The following MCM9 variants were observed in gnomAD, a reference collection of about 807,000 sequenced individuals.
The protein encoded by MCM9 is DNA helicase MCM9.
Under a neutral mutation model 72.8 loss-of-function variants are expected in MCM9, and 55 were observed. The observed-to-expected ratio is 0.76, with a 90% confidence interval of 0.61 to 0.95. MCM9 has a LOEUF of 0.95. Among genes scored for constraint, MCM9 ranks in the 40% least tolerant of loss-of-function variants. The probability of loss-of-function intolerance (pLI) is 0.00; values close to 1 mark genes in which losing one functional copy is unlikely to be tolerated. For missense variants in MCM9, 1,279 were observed against 1,377.0 expected (o/e 0.93, Z 1.13); for synonymous variants, 480 against 503.4 (o/e 0.95, Z 0.62).
intron 8 of MCM9, among the ~76,000 whole-genome samples, chr6:118,889,136 G>A (rs1224404091): frequency 6.6e-6 from 1 of 152,162 alleles, no homozygotes; most frequent in Non-Finnish European, 1.5e-5. Flanking sequence ...ATACCAGGGG[G>A]TACTTAGAGG....
At chr6:118,826,386 C>T (rs577516412) in intron 12 of MCM9, 94 bp from the exon 13 acceptor site, 105 of 1,321,184 alleles carry the variant, frequency 7.9e-5, no homozygotes, top group African/African-American at 1.2e-4. Flanking sequence ...GGGCTAAGAC[C>T]GCCGTTTACA....
Position 118,816,176 on chromosome 6 carries a change from C to A in MCM9, c.2080G>T (p.Glu694Ter), listed in dbSNP as rs1370367268. ...AAGATATGTGTGCTATAGTTGATTT[C>A]CTGCTGTGATGAAGTTCTGAAGTTT... is the stretch of plus-strand genomic sequence containing the variant. ...ESNFRTSSQQ[E>*]INYSTHIFSP... is the part of the protein sequence containing the mutation. The change falls in exon 14 of 14, where the codon GAA (glutamate) becomes TAA (stop). Residue 694 changes from glutamate (E) to a stop codon, truncating the protein, a stop_gained. Coordinates refer to ENST00000619706, the MANE Select transcript of MCM9 (RefSeq NM_017696.3). LOFTEE classifies it low-confidence loss of function (END_TRUNC). 1.9e-6 allele frequency: 3 copies of A among 1,550,380 alleles called. No homozygotes were observed. In the African/African-American group the frequency reaches 4.1e-5, roughly 21 times the overall value.
chr6:118,932,101 A>G (rs972877717), intron 2 of MCM9, among the ~76,000 whole-genome samples: 2 of 152,214 alleles, frequency 1.3e-5, no homozygotes, highest in Non-Finnish European at 2.9e-5. Context: ...GTCTCATAAG[A>G]TTACAATACT....
At position 118,828,902 on chromosome 6, in the gene MCM9, C is replaced by T. The variant is rs1774347665; in HGVS notation, c.1528+146G>A. 13 of 815,302 alleles carry T rather than the reference C, an allele frequency of 1.6e-5. No individual in the cohort carries two copies. In the South Asian group the frequency reaches 2.1e-4, roughly 13 times the overall value. 50.5% of individuals were successfully genotyped at this position (815,302 alleles called of 1,614,324 possible). ...TTCTGAGGCCCCGTAAGTGGCTCCTCTCACTGCTTTCTGTCTAAGCTTTTC... is the reference window on the plus strand; with the variant it reads ...TTCTGAGGCCCCGTAAGTGGCTCCTTTCACTGCTTTCTGTCTAAGCTTTTC... On this transcript the variant is annotated intron_variant, in intron 10 of 13. Transcript: ENST00000619706.
intron 8 of MCM9, among the ~76,000 whole-genome samples, chr6:118,861,059 G>A (rs895377534): frequency 5.9e-5 from 9 of 152,162 alleles, no homozygotes; most frequent in East Asian, 1.9e-4. Context: ...GGCATGGGAC[G>A]GCCACAGGTG....
chr6:118,865,560 C>T (rs1777166950), intron 8 of MCM9, among the ~76,000 whole-genome samples: 1 of 152,178 alleles, frequency 6.6e-6, no homozygotes, highest in Admixed American at 6.5e-5. Flanking sequence ...GGGCTTATAA[C>T]ATACTTCAAG....
chr6:118,880,936 T>C (rs1013627098), intron 8 of MCM9, among the ~76,000 whole-genome samples: 2 of 152,222 alleles, frequency 1.3e-5, no homozygotes, highest in African/African-American at 4.8e-5. Flanking sequence ...TACTGAACCC[T>C]ATACACACTA....
rs200201062 is a variant in MCM9 at position 118,923,922 on chromosome 6, G to C, written c.510C>G (p.Ser170=). ...CACAGCTCTCCAAGCTGGGACACGA[G>C]GATGGCCGGCAAAAGGTGTAATACT... is the stretch of plus-strand genomic sequence containing the variant. ...FEQYYTFCRP[S]SCPSLESCDS... Residue 170 remains serine (S), a synonymous_variant, in exon 4 of 14, where the codon TCC becomes TCG. Transcript: ENST00000619706. The C allele has an allele frequency of 3.1e-6, 5 of 1,614,098 alleles. No individual in the cohort carries two copies. Among genetic ancestry groups the C allele is most frequent in the Admixed American group, 3.3e-5 (2 of 60,010 alleles).
chr6:118,851,422 C>A (rs1300293773), intron 9 of MCM9, among the ~76,000 whole-genome samples: 1 of 151,686 alleles, frequency 6.6e-6, no homozygotes, highest in Non-Finnish European at 1.5e-5. Flanking sequence ...ATAGAGTTAT[C>A]ATAATTACAT....
At chr6:118,894,123 G>C (rs1348528349) in intron 8 of MCM9, 1 of 1,188,062 alleles carries the variant, frequency 8.4e-7, no homozygotes, top group Non-Finnish European at 1.0e-6. Flanking sequence ...CTTGCTGGCT[G>C]CCGAGGCCCT....
At chr6:118,853,617 T>C (rs903858783) in intron 9 of MCM9, among the ~76,000 whole-genome samples, 69 of 152,002 alleles carry the variant, frequency 4.5e-4, no homozygotes, top group African/African-American at 1.4e-3. Context: ...CTGGGCAACA[T>C]AGCAAGACCC....
chr6:118,919,808 C>T (rs909582158), intron 5 of MCM9: 4 of 152,206 alleles, frequency 2.6e-5, no homozygotes, highest in Admixed American at 6.5e-5. Context: ...GCCAGTCAGA[C>T]CCATCTCTCG....
intron 8 of MCM9, among the ~76,000 whole-genome samples, chr6:118,887,765 C>G (rs1283214567): frequency 6.6e-6 from 1 of 151,968 alleles, no homozygotes; most frequent in Admixed American, 6.6e-5. Flanking sequence ...ATAAGGAACT[C>G]TTACAACTCA....
intron 13 of MCM9, among the ~76,000 whole-genome samples, chr6:118,823,449 C>G (rs1022019204): frequency 6.6e-6 from 1 of 152,146 alleles, no homozygotes; most frequent in African/African-American, 2.4e-5. Flanking sequence ...AGTCCCAATG[C>G]GATGAACTGG....
At chr6:118,914,664 C>A (rs1196795748) in intron 6 of MCM9, among the ~76,000 whole-genome samples, 2 of 152,042 alleles carry the variant, frequency 1.3e-5, no homozygotes, top group African/African-American at 4.8e-5. Flanking sequence ...AAATTGTGAC[C>A]AGAATCTAGT....
chr6:118,909,344 A>T (rs1339009918), intron 8 of MCM9, among the ~76,000 whole-genome samples: 2 of 152,224 alleles, frequency 1.3e-5, no homozygotes, highest in East Asian at 3.8e-4. Flanking sequence ...TTGTAAATGG[A>T]CAACCAATTT....
chr6:118,932,541 G>GCT (rs574937005), intron 2 of MCM9, 66 bp downstream of exon 2: 187 of 865,714 alleles, frequency 2.2e-4, no homozygotes, highest in Non-Finnish European at 2.4e-4. Context: ...TCTTTCGTGT[G>GCT]CTCTCTCTCT....
chr6:118,900,172 G>C (rs1168314622), intron 8 of MCM9, among the ~76,000 whole-genome samples: 1 of 152,168 alleles, frequency 6.6e-6, no homozygotes, highest in South Asian at 2.1e-4. Flanking sequence ...ACACAGGGGG[G>C]TGCCGTAAGG....
chr6:118,828,709 G>A (rs1273820160), intron 10 of MCM9, among the ~76,000 whole-genome samples: 2 of 152,156 alleles, frequency 1.3e-5, no homozygotes, highest in Non-Finnish European at 2.9e-5. Context: ...TTAAAGAGAA[G>A]CCTACATTTA....
Sources: allele counts gnomAD v4.1 joint callset (sites outside exome capture counted in the v4.1 genomes callset), GRCh38; gene constraint gnomAD v4.1.1; transcripts MANE v1.5; gene names NCBI Gene and HGNC (gene_info 2026-07-23, HGNC 2026-07-21).